ASH1L: variants seen among roughly 807,000 people sequenced by gnomAD.
The protein encoded by ASH1L is ASH1 like histone lysine methyltransferase, also known as histone-lysine N-methyltransferase ASH1L.
ASH1L carries 23 observed loss-of-function variants against 269.0 expected under a neutral mutation model. The observed-to-expected ratio is 0.09, with a 90% CI of 0.06 to 0.12. The LOEUF (loss-of-function observed/expected upper bound fraction) is 0.12, where lower values mean the gene tolerates loss of function less well. ASH1L is among the 10% of genes least tolerant of loss of function. The pLI, the probability that ASH1L is intolerant of heterozygous loss-of-function variation, is 1.00. For synonymous variants in ASH1L, 1,187 were observed against 1,253.5 expected (o/e 0.95, Z 1.12); for missense variants, 2,912 against 3,567.8 (o/e 0.82, Z 4.68).
chr1:155,432,286 T>C (rs778354561), intron 5 of ASH1L, among the ~76,000 whole-genome samples: 3 of 152,210 alleles, frequency 2.0e-5, no homozygotes, highest in Non-Finnish European at 2.9e-5. Context: ...ATTTTTAGCA[T>C]AGTCCTTACT....
chr1:155,392,637 C>T (rs1009544404), intron 7 of ASH1L, among the ~76,000 whole-genome samples: 4 of 152,038 alleles, frequency 2.6e-5, no homozygotes, highest in African/African-American at 9.7e-5. Context: ...TACAGGCACA[C>T]ACCATTATGT....
rs1024989459 is a variant in ASH1L, at chr1:155,336,241, G to A, written c.*1419C>T. The A allele has an allele frequency of 6.6e-6, 1 of 152,334 alleles. No individual in the cohort carries two copies. Among genetic ancestry groups the A allele is most frequent in the Non-Finnish European group, 1.5e-5 (1 of 67,974 alleles). The allele number at this position is 152,334 out of a possible 1,614,324, so 9.4% of individuals were successfully genotyped here. On this transcript the variant is annotated 3_prime_UTR_variant, in exon 28 of 28. Transcript: ENST00000392403. ...ACGAGTCAGAGCATCGTCACCATAAGGGGAAATGTACAATTAGGACAGCAT... is the reference window on the plus strand; with the variant it reads ...ACGAGTCAGAGCATCGTCACCATAAAGGGAAATGTACAATTAGGACAGCAT...
At chr1:155,557,859 A>G (rs1455462892) in intron 1 of ASH1L, among the ~76,000 whole-genome samples, 3 of 152,348 alleles carry the variant, frequency 2.0e-5, no homozygotes, top group Non-Finnish European at 4.4e-5. Context: ...TGCGGCACCC[A>G]GGTTTAAAAT....
chr1:155,500,231 C>T (rs977693930), intron 2 of ASH1L, among the ~76,000 whole-genome samples: 1 of 152,192 alleles, frequency 6.6e-6, no homozygotes, highest in Admixed American at 6.5e-5. Flanking sequence ...AGCCCCTTAG[C>T]TGTCTATTTT....
intron 15 of ASH1L, 43 bp downstream of exon 15, chr1:155,357,273 A>G: frequency 6.7e-7 from 1 of 1,496,668 alleles, no homozygotes; most frequent in East Asian, 2.3e-5. Context: ...ATAAGCAATC[A>G]TGTAACTTAC....
intron 7 of ASH1L, among the ~76,000 whole-genome samples, chr1:155,384,587 G>C (rs568993065): frequency 1.8e-4 from 28 of 151,676 alleles, no homozygotes; most frequent in Non-Finnish European, 3.8e-4. Flanking sequence ...ATTTTTTGTA[G>C]AGACAGGGTT....
chr1:155,441,454 CTTTTTTTTTTTTTTTTT>C (rs34682576), intron 4 of ASH1L, among the ~76,000 whole-genome samples: 4 of 73,622 alleles, frequency 5.4e-5, no homozygotes, highest in South Asian at 8.5e-4. Context: ...ATAAAGAATC[CTTTTTTTTTTTTTTTTT>C]TTTTTTTTTG....
In ASH1L at chr1:155,343,891, G is replaced by A; in HGVS notation, c.7982-149C>T. 1.1e-6 allele frequency: 1 copy of A among 933,956 alleles called. No homozygotes were observed. Among genetic ancestry groups the A allele is most frequent in the Non-Finnish European group, 1.6e-6 (1 of 636,234 alleles). 57.9% of individuals were successfully genotyped at this position (933,956 alleles called of 1,614,324 possible). A position where few individuals can be genotyped will look rare whatever the true frequency, so the allele number is the denominator to read the frequency against. On this transcript the variant is annotated intron_variant, in intron 22 of 27. Transcript: ENST00000392403. This position sits in a 1 kb window ranked among gnomAD's most constrained non-coding sequence, Gnocchi z 6.1. ...GCTAAAAGCAGCAGTGTTAAGTGAT[G>A]ATAATCAATTCTAGACTATGACAAT...
intron 19 of ASH1L, among the ~76,000 whole-genome samples, chr1:155,348,931 CACACACACACACACAT>C (rs1318861635): frequency 3.3e-5 from 5 of 149,690 alleles, no homozygotes; most frequent in African/African-American, 1.2e-4. Context: ...CACACACACA[CACACACACACACACAT>C]ATAAACATTT....
intron 1 of ASH1L, among the ~76,000 whole-genome samples, chr1:155,524,755 G>A (rs1179647199): frequency 6.6e-6 from 1 of 151,922 alleles, no homozygotes; most frequent in Non-Finnish European, 1.5e-5. Flanking sequence ...TGGGAAGATG[G>A]TTTGAGCCCA....
chr1:155,487,413 T>C (rs1666401571), intron 2 of ASH1L, among the ~76,000 whole-genome samples: 1 of 152,164 alleles, frequency 6.6e-6, no homozygotes, highest in Non-Finnish European at 1.5e-5. Flanking sequence ...GGTCTCACTC[T>C]GTGGCCCAGG....
At position 155,379,894 on chromosome 1, in the gene ASH1L, T is replaced by A. The variant is rs927277386; in HGVS notation, c.6177+149A>T. The stretch of plus-strand genomic sequence containing the variant: ...AGGTCACATTAAAGATGGATGCAAA[T>A]TCATTTTTCTTAGTCCTAACCTTCA... On this transcript the variant is annotated intron_variant, in intron 8 of 27. Transcript: ENST00000392403. 5 of 534,712 alleles carry A rather than the reference T, an allele frequency of 9.4e-6. No individual in the cohort carries two copies. The Admixed American group carries it at 1.0e-4, about 11-fold the overall frequency. 33.1% of individuals were successfully genotyped at this position (534,712 alleles called of 1,614,324 possible). A position where few individuals can be genotyped will look rare whatever the true frequency, so the allele number is the denominator to read the frequency against.
intron 15 of ASH1L, among the ~76,000 whole-genome samples, chr1:155,355,650 C>A (rs1001035897): frequency 6.6e-6 from 1 of 152,174 alleles, no homozygotes; most frequent in Non-Finnish European, 1.5e-5. Context: ...TTTCAAAGTT[C>A]CCCATGCTAA....
chr1:155,370,327 G>A (rs1655828399), intron 12 of ASH1L, 177 bp downstream of exon 12: 2 of 725,408 alleles, frequency 2.8e-6, no homozygotes, highest in African/African-American at 1.8e-5. Flanking sequence ...ATATCTGTCT[G>A]GGAGTGAGAA....
chr1:155,425,709 C>A (rs1253523958), intron 5 of ASH1L, among the ~76,000 whole-genome samples: 2 of 152,114 alleles, frequency 1.3e-5, no homozygotes, highest in African/African-American at 4.8e-5. Context: ...GCTGGGATTA[C>A]AGGCGTGAGC....
intron 21 of ASH1L, chr1:155,345,922 C>T: frequency 3.1e-6 from 1 of 324,698 alleles, no homozygotes; most frequent in Non-Finnish European, 6.0e-6. Context: ...ACATCTGCCT[C>T]CCGGGTTCTA....
At chr1:155,416,881 C>A (rs1290558142) in intron 5 of ASH1L, among the ~76,000 whole-genome samples, 2 of 150,738 alleles carry the variant, frequency 1.3e-5, no homozygotes, top group Admixed American at 1.3e-4. Flanking sequence ...TCCTTCCCTC[C>A]CACCCACCTT....
chr1:155,452,987 G>C (rs1246063427), intron 4 of ASH1L, among the ~76,000 whole-genome samples: 1 of 152,118 alleles, frequency 6.6e-6, no homozygotes, highest in East Asian at 1.9e-4. Flanking sequence ...GTTTTTCTTA[G>C]GCCATTTTTT....
intron 4 of ASH1L, among the ~76,000 whole-genome samples, chr1:155,454,479 C>G (rs1204892613): frequency 1.3e-5 from 2 of 152,082 alleles, no homozygotes; most frequent in Non-Finnish European, 2.9e-5. Context: ...TAGAATAATA[C>G]TATACAGGTC....
Sources: allele counts gnomAD v4.1 joint callset (sites outside exome capture counted in the v4.1 genomes callset), GRCh38; gene constraint gnomAD v4.1.1; non-coding constraint Gnocchi (gnomAD v3.1); transcripts MANE v1.5; gene names NCBI Gene and HGNC (gene_info 2026-07-23, HGNC 2026-07-21).